The following DNAH6 variants were observed in gnomAD, a reference collection of about 807,000 sequenced individuals.
DNAH6 encodes dynein axonemal heavy chain 6, also known as axonemal beta dynein heavy chain 6.
In DNAH6, 340 loss-of-function variants were observed where a neutral mutation model predicts 491.4. That is an observed-to-expected ratio of 0.69 (90% CI 0.63 to 0.76). The LOEUF (loss-of-function observed/expected upper bound fraction) is 0.76, where lower values mean the gene tolerates loss of function less well. Ranked by LOEUF, DNAH6 falls within the 30% of genes least tolerant of loss-of-function variation. The probability of loss-of-function intolerance (pLI) is 0.00; values close to 1 mark genes in which losing one functional copy is unlikely to be tolerated. For synonymous variants in DNAH6, 1,603 were observed against 1,686.1 expected, an observed-to-expected ratio of 0.95 and a Z score of 1.21; for missense variants, 4,443 against 4,972.2, an observed-to-expected ratio of 0.89 and a Z score of 3.20.
In DNAH6 at chr2:84,704,247, C is replaced by T. The variant is rs1005281556; in HGVS notation, c.8410C>T (p.Pro2804Ser). The part of the protein sequence containing the change: ...DISEIRVFTK[P>S]PDLVMTVMEA... ...ATCTGAAATCAGAGTTTTTACAAAG[C>T]CCCCAGATTTGGTCATGACAGTAAT... The change falls in exon 51 of 77, where the codon CCC (proline) becomes TCC (serine). Residue 2804 changes from proline (P) to serine (S), a missense_variant. Physicochemically the swap from Pro to Ser is moderately conservative, Grantham distance 74. Around this residue, in one of 3 missense-constraint regions of DNAH6, gnomAD observed 1,463 missense variants for 1,656.6 expected, o/e 0.88. Coordinates refer to ENST00000389394, the MANE Select transcript of DNAH6 (RefSeq NM_001370.2). 6.4e-7 allele frequency: 1 copy of T among 1,551,718 alleles called. No homozygotes were observed. The highest frequency in any genetic ancestry group is 8.7e-7 in the Non-Finnish European group (1 of 1,146,998).
At chr2:84,616,031 C>G (rs1419447913) in intron 22 of DNAH6, among the ~76,000 whole-genome samples, 5 of 151,872 alleles carry the variant, frequency 3.3e-5, no homozygotes, top group African/African-American at 1.2e-4. Context: ...CAATTTTATT[C>G]CACTGTGGTC....
chr2:84,701,344 G>A lies in DNAH6; in HGVS notation c.8061+5G>A. Reference sequence around the variant, plus strand: ...AAAAGGAAGCAGATTATTTCAGTAGGTTCAATATTATCCATGAAAATATTG... The same window carrying A: ...AAAAGGAAGCAGATTATTTCAGTAGATTCAATATTATCCATGAAAATATTG... On this transcript the variant is annotated splice_donor_5th_base_variant and intron_variant, in intron 49 of 76. Transcript: ENST00000389394. 2 of 1,540,818 alleles carry A rather than the reference G, an allele frequency of 1.3e-6. No homozygotes were observed. The highest frequency in any genetic ancestry group is 1.8e-6 in the Non-Finnish European group (2 of 1,139,060).
chr2:84,721,314 G>T (rs1221468718), intron 59 of DNAH6, among the ~76,000 whole-genome samples: 1 of 152,084 alleles, frequency 6.6e-6, no homozygotes, highest in Non-Finnish European at 1.5e-5. Context: ...TAACATAGGG[G>T]TTTCCTACTC....
intron 65 of DNAH6, 121 bp downstream of exon 65, chr2:84,781,774 G>C (rs1403264118): frequency 4.1e-6 from 5 of 1,213,438 alleles, no homozygotes; most frequent in African/African-American, 3.1e-5. Flanking sequence ...TGAAAGAGGA[G>C]AAATTTGAGG....
chr2:84,745,521 C>A (rs1418892676), intron 63 of DNAH6, among the ~76,000 whole-genome samples: 1 of 152,096 alleles, frequency 6.6e-6, no homozygotes, highest in African/African-American at 2.4e-5. Context: ...AAATAATTAT[C>A]CGGGCATGGT....
At chr2:84,585,671 A>T (rs1258971530) in intron 15 of DNAH6, among the ~76,000 whole-genome samples, 13 of 151,712 alleles carry the variant, frequency 8.6e-5, no homozygotes, top group Admixed American at 8.5e-4. Flanking sequence ...CCTAGCAGAG[A>T]GGAGACCCTG....
chr2:84,626,695 C>T (rs772181747), intron 29 of DNAH6, among the ~76,000 whole-genome samples: 3 of 152,130 alleles, frequency 2.0e-5, no homozygotes, highest in Admixed American at 1.3e-4. Context: ...CTCTGCCTCC[C>T]GGGTTCAAGC....
chr2:84,719,010 A>G (rs1439646299), intron 59 of DNAH6, among the ~76,000 whole-genome samples: 3 of 152,262 alleles, frequency 2.0e-5, no homozygotes. Flanking sequence ...GATTCAAACT[A>G]TCATTTAAGG....
rs1308629955 is a variant in DNAH6, at chr2:84,785,728, G to A, written c.11072G>A (p.Gly3691Asp). The A allele has an allele frequency of 1.9e-6, 3 of 1,544,836 alleles. No individual in the cohort carries two copies. The highest frequency in any genetic ancestry group is 1.4e-5 in the African/African-American group (1 of 72,598). ...LGKKWRQIIF[G>D]ICFFHAIIQE... ...AAAAAATGGAGACAAATAATATTTG[G>A]CATTTGTTTCTTCCATGCAATTATT... Residue 3691 changes from glycine (G) to aspartate (D), a missense_variant, in exon 67 of 77, where the codon GGC becomes GAC. Physicochemically the swap from Gly to Asp is moderately conservative, Grantham distance 94. Around this residue, in one of 3 missense-constraint regions of DNAH6, gnomAD observed 1,463 missense variants for 1,656.6 expected, o/e 0.88. Coordinates refer to ENST00000389394, the MANE Select transcript of DNAH6 (RefSeq NM_001370.2).
chr2:84,530,547 C>G (rs1007626763), intron 4 of DNAH6, among the ~76,000 whole-genome samples: 1 of 152,012 alleles, frequency 6.6e-6, no homozygotes, highest in South Asian at 2.1e-4. Flanking sequence ...CAATGGAGAA[C>G]CATGGAAGGA....
intron 11 of DNAH6, among the ~76,000 whole-genome samples, chr2:84,570,020 A>G (rs1378614805): frequency 1.3e-5 from 2 of 152,256 alleles, no homozygotes; most frequent in East Asian, 3.9e-4. Context: ...CCCAATACCA[A>G]TGAGCACATC....
intron 62 of DNAH6, among the ~76,000 whole-genome samples, chr2:84,741,956 C>T (rs1226567506): frequency 6.6e-6 from 1 of 152,254 alleles, no homozygotes; most frequent in Non-Finnish European, 1.5e-5. Context: ...TTCCCTGCAT[C>T]CAGGACCATC....
At chr2:84,640,652 A>C in intron 32 of DNAH6, 74 bp downstream of exon 32, 1 of 1,388,732 alleles carries the variant, frequency 7.2e-7, no homozygotes, top group South Asian at 1.4e-5. Flanking sequence ...AACTCAGGAA[A>C]GGCTCTCAGA....
chr2:84,530,646 G>A (rs183875213), intron 4 of DNAH6, among the ~76,000 whole-genome samples: 2 of 152,296 alleles, frequency 1.3e-5, no homozygotes, highest in East Asian at 3.9e-4. Context: ...GAGGCAACAA[G>A]GGTTGAAACA....
chr2:84,467,501 T>C, the DNAH6 span, among the ~76,000 whole-genome samples: 57 of 152,290 alleles, frequency 3.7e-4, no homozygotes, highest in African/African-American at 1.3e-3. Flanking sequence ...CCAGCATAGC[T>C]AGGAGGCTAA....
intron 44 of DNAH6, among the ~76,000 whole-genome samples, chr2:84,688,019 G>A (rs1182395096): frequency 6.6e-6 from 1 of 152,036 alleles, no homozygotes; most frequent in Admixed American, 6.6e-5. Context: ...CAGATTATTT[G>A]AGGTCAGGAG....
chr2:84,702,211 A>G (rs913535187), intron 49 of DNAH6, among the ~76,000 whole-genome samples: 1 of 152,254 alleles, frequency 6.6e-6, no homozygotes, highest in Non-Finnish European at 1.5e-5. Context: ...CTTTGAGCAC[A>G]TTAGTAACTT....
At chr2:84,661,030 T>C (rs1020333601) in intron 37 of DNAH6, among the ~76,000 whole-genome samples, 7 of 152,140 alleles carry the variant, frequency 4.6e-5, no homozygotes, top group African/African-American at 1.7e-4. Context: ...AATAATAATA[T>C]GTCAGTATTC....
chr2:84,513,016 T>G (rs1024837361), upstream of DNAH6, among the ~76,000 whole-genome samples: 3 of 152,148 alleles, frequency 2.0e-5, no homozygotes, highest in Non-Finnish European at 4.4e-5. Context: ...TTTGTATTTG[T>G]TTTCTATATG....
Sources: allele counts gnomAD v4.1 joint callset (sites outside exome capture counted in the v4.1 genomes callset), GRCh38; gene constraint gnomAD v4.1.1; regional missense constraint gnomAD v4.1.1; transcripts MANE v1.5; gene names NCBI Gene and HGNC (gene_info 2026-07-23, HGNC 2026-07-21).